MINDY4: variants seen among roughly 807,000 people sequenced by gnomAD.
MINDY4 encodes MINDY lysine 48 deubiquitinase 4, also known as probable ubiquitin carboxyl-terminal hydrolase MINDY-4.
A neutral mutation model predicts 87.0 loss-of-function variants in MINDY4; 68 were observed. The ratio of observed to expected loss-of-function variants is 0.78; its 90% CI spans 0.64 to 0.96. The LOEUF (loss-of-function observed/expected upper bound fraction) is 0.96. Among genes scored for constraint, MINDY4 ranks in the 40% least tolerant of loss-of-function variants. MINDY4 has a pLI of 0.00. For synonymous variants in MINDY4, 379 were observed against 363.2 expected (o/e 1.04, Z -0.50); for missense variants, 919 against 928.2 (o/e 0.99, Z 0.13).
At chr7:30,773,216 T>C (rs1216044303) in intron 1 of MINDY4, among the ~76,000 whole-genome samples, 1 of 152,184 alleles carries the variant, frequency 6.6e-6, no homozygotes, top group Non-Finnish European at 1.5e-5. Flanking sequence ...CACCCAGCAG[T>C]CGTAACCAAG....
chr7:30,832,446 A>G (rs1788734034), intron 6 of MINDY4, among the ~76,000 whole-genome samples: 1 of 152,194 alleles, frequency 6.6e-6, no homozygotes, highest in Non-Finnish European at 1.5e-5. Flanking sequence ...TCCTCCAGAG[A>G]ACATTCTCAA....
At chr7:30,796,322 C>G (rs1239002621) in intron 5 of MINDY4, among the ~76,000 whole-genome samples, 1 of 152,042 alleles carries the variant, frequency 6.6e-6, no homozygotes, top group Admixed American at 6.6e-5. Context: ...AAGCAGCAGG[C>G]TTAGGTGAGG....
At chr7:30,881,894 C>T (rs1790472236) in intron 15 of MINDY4, among the ~76,000 whole-genome samples, 1 of 151,970 alleles carries the variant, frequency 6.6e-6, no homozygotes, top group Non-Finnish European at 1.5e-5. Flanking sequence ...GCAGAATGAG[C>T]AGTACTGGGA....
Position 30,793,111 on chromosome 7 carries a change from GT to G in MINDY4, c.1073+1545del, listed in dbSNP as rs551809234. Among the ~76,000 whole-genome samples, 36 of 143,228 alleles carry G rather than the reference GT, an allele frequency of 2.5e-4. No homozygotes were observed. In the South Asian group the frequency reaches 4.6e-3, roughly 18 times the overall value. The allele number at this position is 143,228 out of a possible 152,430, so 94.0% of individuals were successfully genotyped here. On this transcript the variant is annotated intron_variant, in intron 5 of 17. Transcript: ENST00000265299. ...GTACTACTAATTTCATACATTTAGG[GT>G]TTTTTTTGTTTATATTTATATATAT...
At chr7:30,790,581 T>G (rs947574635) in intron 4 of MINDY4, among the ~76,000 whole-genome samples, 2 of 152,118 alleles carry the variant, frequency 1.3e-5, no homozygotes, top group Non-Finnish European at 2.9e-5. Context: ...GTAGCTGAGA[T>G]TACAGTCATG....
intron 1 of MINDY4, 52 bp from the exon 2 acceptor site, chr7:30,778,380 C>A: frequency 6.2e-7 from 1 of 1,612,692 alleles, no homozygotes. Flanking sequence ...TTTATGAGAA[C>A]AGCGGGTTTT....
chr7:30,857,458 C>CTTT, intron 12 of MINDY4, among the ~76,000 whole-genome samples: 1 of 101,358 alleles, frequency 9.9e-6, no homozygotes, highest in African/African-American at 7.4e-5. Flanking sequence ...CCATATCCAC[C>CTTT]TTGTTTTTTT....
At chr7:30,859,989 T>C (rs968871840) in intron 13 of MINDY4, among the ~76,000 whole-genome samples, 3 of 152,200 alleles carry the variant, frequency 2.0e-5, no homozygotes, top group African/African-American at 7.2e-5. Flanking sequence ...CACCTGGGCA[T>C]GTCACCAGGA....
intron 13 of MINDY4, among the ~76,000 whole-genome samples, chr7:30,863,146 A>G (rs951881974): frequency 6.6e-6 from 1 of 152,228 alleles, no homozygotes; most frequent in Non-Finnish European, 1.5e-5. Context: ...TGGGGTTCAC[A>G]TTCAGCTTTG....
chr7:30,812,424 G>T (rs963153579), intron 5 of MINDY4, among the ~76,000 whole-genome samples: 8 of 152,010 alleles, frequency 5.3e-5, no homozygotes, highest in Non-Finnish European at 1.2e-4. Flanking sequence ...ATAAAAAAGA[G>T]AATTAAAAAA....
chr7:30,792,623 T>C (rs1787359051), intron 5 of MINDY4, among the ~76,000 whole-genome samples: 1 of 152,202 alleles, frequency 6.6e-6, no homozygotes, highest in Non-Finnish European at 1.5e-5. Flanking sequence ...TTTATATGTG[T>C]GTTTTAAATT....
At chr7:30,774,642 A>G (rs1010107831) in intron 1 of MINDY4, among the ~76,000 whole-genome samples, 2 of 151,912 alleles carry the variant, frequency 1.3e-5, no homozygotes, top group Non-Finnish European at 2.9e-5. Flanking sequence ...TCTTAGGGCC[A>G]TTATTAACCT....
chr7:30,788,175 C>T (rs1473295252), intron 4 of MINDY4, among the ~76,000 whole-genome samples: 1 of 152,138 alleles, frequency 6.6e-6, no homozygotes, highest in Admixed American at 6.5e-5. Context: ...AAAATCTAGC[C>T]TCACACAGAT....
chr7:30,872,479 A>G (rs544669212), intron 14 of MINDY4, among the ~76,000 whole-genome samples, 173 bp downstream of exon 14: 127 of 152,256 alleles, frequency 8.3e-4, no homozygotes, highest in African/African-American at 2.9e-3. Flanking sequence ...CTGTCATGTC[A>G]TGGAGACCCA....
At chr7:30,847,125 G>C (rs1789245327) in intron 9 of MINDY4, among the ~76,000 whole-genome samples, 1 of 152,188 alleles carries the variant, frequency 6.6e-6, no homozygotes, top group Non-Finnish European at 1.5e-5. Context: ...GCCAGGGAGG[G>C]CAACGGTTTT....
At chr7:30,777,180 G>A (rs552414350) in intron 1 of MINDY4, among the ~76,000 whole-genome samples, 56 of 152,112 alleles carry the variant, frequency 3.7e-4, no homozygotes, top group African/African-American at 1.3e-3. Flanking sequence ...CAGGCCCCCG[G>A]TGGTTTTCAA....
intron 9 of MINDY4, 118 bp from the exon 10 acceptor site, chr7:30,850,336 A>T (rs373828633): frequency 2.1e-6 from 2 of 931,558 alleles, no homozygotes. Context: ...GCCCCTCTGC[A>T]GGCCAGAGAA....
At chr7:30,775,113 A>G (rs1234755168) in intron 1 of MINDY4, among the ~76,000 whole-genome samples, 1 of 151,722 alleles carries the variant, frequency 6.6e-6, no homozygotes, top group East Asian at 1.9e-4. Context: ...TAAATCTCCA[A>G]CTCTCCAGAC....
intron 5 of MINDY4, among the ~76,000 whole-genome samples, chr7:30,815,443 A>G (rs1439562802): frequency 6.6e-6 from 1 of 152,250 alleles, no homozygotes; most frequent in South Asian, 2.1e-4. Context: ...ACCCCATCAC[A>G]TCTCTAGCAC....
Sources: allele counts gnomAD v4.1 joint callset (sites outside exome capture counted in the v4.1 genomes callset), GRCh38; gene constraint gnomAD v4.1.1; transcripts MANE v1.5; gene names NCBI Gene and HGNC (gene_info 2026-07-23, HGNC 2026-07-21).